ZNF385A: variants seen among roughly 807,000 people sequenced by gnomAD.
The protein encoded by ZNF385A is hematopoietic zinc finger protein.
Under a neutral mutation model 32.1 loss-of-function variants are expected in ZNF385A, and 14 were observed. The observed-to-expected ratio is 0.44, with a 90% CI of 0.29 to 0.68. The LOEUF is 0.68. Among genes scored for constraint, ZNF385A ranks in the 30% least tolerant of loss-of-function variants. ZNF385A has a pLI of 0.14. For missense variants in ZNF385A, 406 were observed against 478.4 expected (o/e 0.85, Z 1.41); for synonymous variants, 197 against 202.7 (o/e 0.97, Z 0.24).
At chr12:54,390,626 TCCCACCCCCTATTTTC>T (rs1475102275) in intron 1 of ZNF385A, among the ~76,000 whole-genome samples, 1 of 150,028 alleles carries the variant, frequency 6.7e-6, no homozygotes. Context: ...ATGGACAGTT[TCCCACCCCCTATTTTC>T]CCCACCCCCT....
chr12:54,374,337 AACCTAGGTCCCC>A (rs1954725289), intron 2 of ZNF385A, among the ~76,000 whole-genome samples: 1 of 152,076 alleles, frequency 6.6e-6, no homozygotes, highest in Non-Finnish European at 1.5e-5. Flanking sequence ...AGTCCCTGGG[AACCTAGGTCCCC>A]ACCTAGTTCA....
rs1055277588 is a variant in ZNF385A, at chr12:54,370,906, T to C, written c.774+21A>G. 2 of 1,614,030 alleles carry C rather than the reference T, an allele frequency of 1.2e-6. No homozygotes were observed. The highest frequency in any genetic ancestry group is 1.7e-5 in the Admixed American group (1 of 60,008). Reference sequence around the variant, plus strand: ...AGCGGGTGGAGCGTCCCAGAATTCCTGGGAAGGGCCTTAGACCCACCTGTT... The same window carrying C: ...AGCGGGTGGAGCGTCCCAGAATTCCCGGGAAGGGCCTTAGACCCACCTGTT... On this transcript the variant is annotated intron_variant, in intron 5 of 6. Transcript: ENST00000394313. The surrounding 1 kb of genome is among the most constrained non-coding windows in gnomAD (Gnocchi z 5.5).
chr12:54,370,881 A>G lies in ZNF385A; in HGVS notation c.774+46T>C, dbSNP rs1209217864. 2 of 1,613,342 alleles carry G rather than the reference A, an allele frequency of 1.2e-6. No individual in the cohort carries two copies. ...AGCTCCTTGCTCCCCTTCCCCACTT[A>G]GCGGGTGGAGCGTCCCAGAATTCCT... On this transcript the variant is annotated intron_variant, in intron 5 of 6. Transcript: ENST00000394313. The surrounding 1 kb of genome is among the most constrained non-coding windows in gnomAD (Gnocchi z 5.5).
At chr12:54,377,145 T>G (rs1425012677) in intron 1 of ZNF385A, among the ~76,000 whole-genome samples, 1 of 152,220 alleles carries the variant, frequency 6.6e-6, no homozygotes, top group East Asian at 1.9e-4. Context: ...AGCCCTGTCC[T>G]CTGGACTCTC....
At chr12:54,373,302 C>T (rs2137181951) in intron 3 of ZNF385A, among the ~76,000 whole-genome samples, 1 of 152,230 alleles carries the variant, frequency 6.6e-6, no homozygotes, top group Middle Eastern at 3.4e-3. Context: ...CCATGATTGA[C>T]ATCCGATGTG....
chr12:54,379,097 GC>G, intron 1 of ZNF385A: 1 of 982,600 alleles, frequency 1.0e-6, no homozygotes, highest in South Asian at 4.7e-5. Context: ...CGGCTCCATG[GC>G]CCGGGGTGGC....
At chr12:54,389,518 G>T (rs12312270), upstream of ZNF385A, among the ~76,000 whole-genome samples, 10,580 of 152,184 alleles carry the variant, frequency 0.07, 991 homozygotes, top group African/African-American at 0.22. Context: ...TGTGGCTGTG[G>T]TCCAGTTTCA....
At chr12:54,371,243 C>G in intron 4 of ZNF385A, 147 bp from the exon 5 acceptor site, 2 of 1,123,360 alleles carry the variant, frequency 1.8e-6, no homozygotes, top group Non-Finnish European at 2.5e-6. Flanking sequence ...CCTTGGGACC[C>G]TCCCAAAGAG....
Position 54,370,698 on chromosome 12 carries a change from T to TCGGTGC in ZNF385A, c.792_797dup (p.His265_Arg266dup), listed in dbSNP as rs1954491978. 1 of 1,599,082 alleles carries TCGGTGC rather than the reference T, an allele frequency of 6.3e-7. No individual in the cohort carries two copies. Among genetic ancestry groups the TCGGTGC allele is most frequent in the Non-Finnish European group, 8.5e-7 (1 of 1,175,088 alleles). On this transcript the variant is annotated inframe_insertion, in exon 6 of 7. Transcript: ENST00000394313. This position sits in a 1 kb window ranked among gnomAD's most constrained non-coding sequence, Gnocchi z 5.5. Reference sequence around the variant, plus strand: ...GGTTGGGCTTCCCGGCCACGCCGTCTCGGTGCCGCCGGCTGGAGATGTGCT... The same window carrying TCGGTGC: ...GGTTGGGCTTCCCGGCCACGCCGTCTCGGTGCCGGTGCCGCCGGCTGGAGATGTGCT...
intron 1 of ZNF385A, among the ~76,000 whole-genome samples, chr12:54,383,978 C>T (rs180980011): frequency 6.6e-6 from 1 of 152,316 alleles, no homozygotes; most frequent in East Asian, 1.9e-4. Context: ...GCCAGTCCTC[C>T]AAGCCCTATC....
chr12:54,382,886 C>T (rs1394005685), intron 1 of ZNF385A, among the ~76,000 whole-genome samples: 1 of 151,970 alleles, frequency 6.6e-6, no homozygotes, highest in Non-Finnish European at 1.5e-5. Flanking sequence ...AACAAATAGG[C>T]CAGGCACGGT....
chr12:54,379,780 C>T (rs1303461383), intron 1 of ZNF385A, among the ~76,000 whole-genome samples: 1 of 152,200 alleles, frequency 6.6e-6, no homozygotes, highest in African/African-American at 2.4e-5. Flanking sequence ...ACCTCCTACC[C>T]GCGCCCGCCA....
At position 54,371,695 on chromosome 12, in the gene ZNF385A, C is replaced by T; in HGVS notation, c.382G>A (p.Gly128Arg). The change falls in exon 4 of 7, where the codon GGG becomes AGG. Residue 128 changes from glycine (G) to arginine (R), a missense_variant. Gly to Arg is a moderately radical substitution (Grantham distance 125). Transcript: ENST00000394313. Reference sequence around the variant, plus strand: ...TTCTCTGGGGATCCTGGGGCTGGCCCCAGTCCATTCTCCATGGAAACTGTT... The same window carrying T: ...TTCTCTGGGGATCCTGGGGCTGGCCTCAGTCCATTCTCCATGGAAACTGTT... ...PRPVSMENGL[G>R]PAPGSPEKQP... 2 of 1,611,152 alleles carry T rather than the reference C, an allele frequency of 1.2e-6. No individual in the cohort carries two copies. The highest frequency in any genetic ancestry group is 1.7e-6 in the Non-Finnish European group (2 of 1,179,052).
In ZNF385A at chr12:54,370,596, A is replaced by G. The variant is rs760545717; in HGVS notation, c.870+30T>C. The G allele has an allele frequency of 1.8e-5, 28 of 1,572,734 alleles. No homozygotes were observed. The African/African-American group carries it at 3.5e-4, about 20-fold the overall frequency. On this transcript the variant is annotated intron_variant, in intron 6 of 6. Coordinates refer to ENST00000394313, the MANE Select transcript of ZNF385A (RefSeq NM_015481.3). This position sits in a 1 kb window ranked among gnomAD's most constrained non-coding sequence, Gnocchi z 5.5. ...CTCTCCTCCCCGCCCGCGCCCTCCC[A>G]CTGCTGAATTCCCAGCATCCAGGCC...
intron 4 of ZNF385A, 75 bp downstream of exon 4, chr12:54,371,398 C>T: frequency 1.3e-6 from 2 of 1,549,986 alleles, no homozygotes; most frequent in Non-Finnish European, 1.7e-6. Flanking sequence ...ATGTTGGAAG[C>T]CAGGGGCATT....
chr12:54,385,721 C>A (rs990820306), upstream of ZNF385A: 5 of 973,078 alleles, frequency 5.1e-6, no homozygotes, highest in Non-Finnish European at 6.1e-6. Flanking sequence ...TGGCCCTGGC[C>A]CCCCAGGGGC....
Position 54,371,032 on chromosome 12 carries a change from C to T in ZNF385A, c.669G>A (p.Arg223=), listed in dbSNP as rs373656062. The T allele has an allele frequency of 1.9e-6, 3 of 1,614,128 alleles. No individual in the cohort carries two copies. The highest frequency in any genetic ancestry group is 2.7e-5 in the African/African-American group (2 of 75,044). Residue 223 remains arginine, a synonymous_variant, in exon 5 of 7, where the codon CGG becomes CGA. Transcript: ENST00000394313. ...SGLGPIKAYP[R]LGPPTPGEPE... is the part of the protein sequence containing the mutation. ...GTTCCCCCGGGGTGGGAGGCCCCAG[C>T]CGAGGGTAAGCTTTGATGGGCCCGA...
chr12:54,374,349 C>T (rs1038064840), intron 2 of ZNF385A, among the ~76,000 whole-genome samples: 2 of 152,104 alleles, frequency 1.3e-5, no homozygotes, highest in African/African-American at 4.8e-5. Flanking sequence ...CCTAGGTCCC[C>T]ACCTAGTTCA....
rs1307791431 is a variant in ZNF385A, at chr12:54,370,618, G to C, written c.870+8C>G. 2.5e-6 allele frequency: 4 copies of C among 1,594,396 alleles called. No homozygotes were observed. The highest frequency in any genetic ancestry group is 3.4e-6 in the Non-Finnish European group (4 of 1,170,682). The stretch of plus-strand genomic sequence containing the variant: ...CCCACTGCTGAATTCCCAGCATCCA[G>C]GCCTCACCGCCAGCTCCCCGGCGCC... On this transcript the variant is annotated splice_region_variant and intron_variant, in intron 6 of 6. Transcript: ENST00000394313. The surrounding 1 kb of genome is among the most constrained non-coding windows in gnomAD (Gnocchi z 5.5).
Sources: allele counts gnomAD v4.1 joint callset (sites outside exome capture counted in the v4.1 genomes callset), GRCh38; gene constraint gnomAD v4.1.1; non-coding constraint Gnocchi (gnomAD v3.1); transcripts MANE v1.5; gene names NCBI Gene and HGNC (gene_info 2026-07-23, HGNC 2026-07-21).